Variants in CIT observed in about 807,000 individuals in gnomAD.
CIT encodes citron Rho-interacting kinase.
In CIT, 79 loss-of-function variants were observed where a neutral mutation model predicts 272.7. The ratio of observed to expected loss-of-function variants is 0.29; its 90% confidence interval spans 0.24 to 0.35. The LOEUF (loss-of-function observed/expected upper bound fraction) is 0.35, where lower values mean the gene tolerates loss of function less well. CIT is among the 10% of genes least tolerant of loss of function. The pLI is 1.00. For missense variants in CIT, 1,909 were observed against 2,618.3 expected, an observed-to-expected ratio of 0.73 and a Z score of 5.91; for synonymous variants, 948 against 995.6, an observed-to-expected ratio of 0.95 and a Z score of 0.90.
At position 119,697,835 on chromosome 12, in the gene CIT, G is replaced by A. The variant is rs1422251604; in HGVS notation, c.5706C>T (p.Thr1902=). The change falls in exon 46 of 48, where the codon ACC becomes ACT. Residue 1902 remains threonine (T), a synonymous_variant. Coordinates refer to ENST00000392521, the MANE Select transcript of CIT (RefSeq NM_001206999.2). The surrounding 1 kb of genome is among the most constrained non-coding windows in gnomAD (Gnocchi z 4.9). ...IEIQARSSAG[T]PARAYLDIPN... Reference sequence around the variant, plus strand: ...GGATGTCCAGGTACGCTCGGGCAGGGGTCCTGCAGAGTCCCAGAGTTCCAG... The same window carrying A: ...GGATGTCCAGGTACGCTCGGGCAGGAGTCCTGCAGAGTCCCAGAGTTCCAG... 6.2e-7 allele frequency: 1 copy of A among 1,613,886 alleles called. No individual in the cohort carries two copies. The highest frequency in any genetic ancestry group is 1.3e-5 in the African/African-American group (1 of 74,902).
At chr12:119,839,455 G>C (rs1056144156) in intron 5 of CIT, among the ~76,000 whole-genome samples, 1 of 152,170 alleles carries the variant, frequency 6.6e-6, no homozygotes, top group Non-Finnish European at 1.5e-5. Flanking sequence ...ATCGTTATCC[G>C]CTCTGCCCAA....
In CIT at chr12:119,690,310, G is replaced by T; in HGVS notation, c.6027C>A (p.Arg2009=). The change falls in exon 47 of 48, where the codon CGC becomes CGA. Residue 2009 remains arginine (R), a synonymous_variant. Transcript: ENST00000392521. The surrounding 1 kb of genome is among the most constrained non-coding windows in gnomAD (Gnocchi z 6.0). The part of the protein sequence containing the change: ...HRYREGRTEL[R]RDKSPGRPLE... ...GGGGGCGGCCAGGAGACTTGTCCCT[G>T]CGCAGCTCGGTCCGCCCCTCGCGGT... The T allele has an allele frequency of 6.3e-7, 1 of 1,594,550 alleles. No individual in the cohort carries two copies. The highest frequency in any genetic ancestry group is 8.5e-7 in the Non-Finnish European group (1 of 1,177,416).
intron 5 of CIT, among the ~76,000 whole-genome samples, chr12:119,836,413 C>T (rs934376822): frequency 1.7e-4 from 26 of 152,032 alleles, no homozygotes; most frequent in African/African-American, 5.1e-4. Context: ...CCCCAGTCCT[C>T]GAGGAGCCCA....
In CIT at chr12:119,863,466, T is replaced by A. The variant is rs145722555; in HGVS notation, c.238+5594A>T. On this transcript the variant is annotated intron_variant, in intron 3 of 47. Coordinates refer to ENST00000392521, the MANE Select transcript of CIT (RefSeq NM_001206999.2). The stretch of plus-strand genomic sequence containing the variant: ...ATCTATAACAAACCCCAAGACAAGT[T>A]TACCTACATAACAAACCTGTACATT... Among the ~76,000 whole-genome samples, 843 of 152,196 alleles carry A rather than the reference T, an allele frequency of 5.5e-3. 28 individuals are homozygous for A. The highest frequency in any genetic ancestry group is 0.052 in the Admixed American group (792 of 15,272).
intron 10 of CIT, among the ~76,000 whole-genome samples, chr12:119,793,075 C>A (rs556921016): frequency 9.2e-5 from 14 of 152,190 alleles, no homozygotes; most frequent in African/African-American, 3.1e-4. Context: ...TTGGGGCACC[C>A]CCCCTCCCCC....
At chr12:119,797,631 T>G (rs1202410143) in intron 10 of CIT, among the ~76,000 whole-genome samples, 1 of 152,200 alleles carries the variant, frequency 6.6e-6, no homozygotes, top group Non-Finnish European at 1.5e-5. Flanking sequence ...TTGCTGCTAT[T>G]TAAAAAATCA....
chr12:119,699,873 G>C (rs1375625501), intron 44 of CIT: 6 of 456,076 alleles, frequency 1.3e-5, no homozygotes, highest in South Asian at 9.3e-5. Context: ...TCTGGGCCAC[G>C]ACGGCATTTC....
At chr12:119,856,631 C>T (rs989625487) in intron 4 of CIT, among the ~76,000 whole-genome samples, 1 of 152,120 alleles carries the variant, frequency 6.6e-6, no homozygotes, top group Non-Finnish European at 1.5e-5. Flanking sequence ...CATCACTTCT[C>T]TCTGCCGAGA....
chr12:119,725,375 A>C (rs1172417391), intron 28 of CIT, among the ~76,000 whole-genome samples: 2 of 151,934 alleles, frequency 1.3e-5, no homozygotes, highest in Non-Finnish European at 1.5e-5. Context: ...GCAGTGAGCC[A>C]AGATCACGCC....
intron 22 of CIT, among the ~76,000 whole-genome samples, chr12:119,755,575 C>T (rs1960851780): frequency 6.6e-6 from 1 of 152,170 alleles, no homozygotes; most frequent in Non-Finnish European, 1.5e-5. Context: ...TTCCAACAAC[C>T]ACTATCCTGA....
intron 13 of CIT, 102 bp from the exon 14 acceptor site, chr12:119,776,944 G>T: frequency 7.9e-7 from 1 of 1,270,868 alleles, no homozygotes; most frequent in Non-Finnish European, 1.1e-6. Flanking sequence ...AAGATGCACA[G>T]TGAAGAGAGA....
rs903885399 is a variant in CIT at position 119,758,644 on chromosome 12, C to A, written c.2478G>T (p.Leu826=). ...IRSLEQRIVE[L]SEANKLAANS... The stretch of plus-strand genomic sequence containing the variant: ...TTGCTGCAAGTTTATTGGCTTCAGA[C>A]AGTTCCACAATCCTCTGTTCCAGGG... The change falls in exon 21 of 48, where the codon CTG becomes CTT. Residue 826 remains leucine, a synonymous_variant. Coordinates refer to ENST00000392521, the MANE Select transcript of CIT (RefSeq NM_001206999.2). 2 of 1,613,924 alleles carry A rather than the reference C, an allele frequency of 1.2e-6. No homozygotes were observed. The highest frequency in any genetic ancestry group is 1.3e-5 in the African/African-American group (1 of 74,940).
At chr12:119,820,708 C>T (rs1268914195) in intron 9 of CIT, among the ~76,000 whole-genome samples, 3 of 152,100 alleles carry the variant, frequency 2.0e-5, no homozygotes, top group South Asian at 2.1e-4. Flanking sequence ...CAATGGCTCA[C>T]GCCTGTAATC....
At chr12:119,749,948 T>C (rs1959980979) in intron 23 of CIT, among the ~76,000 whole-genome samples, 1 of 152,162 alleles carries the variant, frequency 6.6e-6, no homozygotes, top group Admixed American at 6.5e-5. Flanking sequence ...AGATACACAG[T>C]CACCCCTCCT....
Position 119,710,488 on chromosome 12 carries a change from T to C in CIT, c.4935+52A>G, listed in dbSNP as rs1045544331. ...GCCTCCACAGCCCTTTCTTTCTTGA[T>C]GGGGTGTGGCTGTAACCAGACACCA... On this transcript the variant is annotated intron_variant, in intron 38 of 47. Transcript: ENST00000392521. This position sits in a 1 kb window ranked among gnomAD's most constrained non-coding sequence, Gnocchi z 5.6. 8.1e-6 allele frequency: 13 copies of C among 1,612,402 alleles called. No homozygotes were observed. The highest frequency in any genetic ancestry group is 1.1e-5 in the Non-Finnish European group (13 of 1,178,538).
chr12:119,865,743 G>A (rs777203789), intron 3 of CIT, among the ~76,000 whole-genome samples: 5 of 151,784 alleles, frequency 3.3e-5, no homozygotes, highest in Non-Finnish European at 7.4e-5. Context: ...GGTGGTGCAC[G>A]CCTGTAGTCC....
intron 5 of CIT, among the ~76,000 whole-genome samples, chr12:119,847,420 C>T (rs1413166032): frequency 6.6e-6 from 1 of 151,710 alleles, no homozygotes; most frequent in Admixed American, 6.6e-5. Flanking sequence ...ATGGCAAAAC[C>T]CCGTCTCTAC....
intron 4 of CIT, among the ~76,000 whole-genome samples, chr12:119,851,039 G>A (rs1003673888): frequency 4.6e-5 from 7 of 152,224 alleles, no homozygotes; most frequent in African/African-American, 7.2e-5. Flanking sequence ...AATGAACCCT[G>A]TGAAGTTGGA....
At position 119,690,372 on chromosome 12, in the gene CIT, G is replaced by A. The variant is rs1955871596; in HGVS notation, c.5965C>T (p.Pro1989Ser). ...GTGCTTGGCTCTCGCGGGTGGCTGGGGCCTTCGGGCGGCGCTGGGCTGGAG... is the reference window on the plus strand; with the variant it reads ...GTGCTTGGCTCTCGCGGGTGGCTGGAGCCTTCGGGCGGCGCTGGGCTGGAG... ...VASSPAPPEG[P>S]SHPREPSTPH... Residue 1989 changes from proline to serine, a missense_variant, in exon 47 of 48, where the codon CCC (proline) becomes TCC (serine). Physicochemically the swap from Pro to Ser is moderately conservative, Grantham distance 74. Around this residue, in one of 8 missense-constraint regions of CIT, gnomAD observed 780 missense variants for 1,067.2 expected, o/e 0.73. Coordinates refer to ENST00000392521, the MANE Select transcript of CIT (RefSeq NM_001206999.2). The surrounding 1 kb of genome is among the most constrained non-coding windows in gnomAD (Gnocchi z 6.0). The A allele has an allele frequency of 1.3e-6, 2 of 1,597,714 alleles. No homozygotes were observed. The highest frequency in any genetic ancestry group is 1.7e-6 in the Non-Finnish European group (2 of 1,178,136).
Sources: allele counts gnomAD v4.1 joint callset (sites outside exome capture counted in the v4.1 genomes callset), GRCh38; gene constraint gnomAD v4.1.1; regional missense constraint gnomAD v4.1.1; non-coding constraint Gnocchi (gnomAD v3.1); transcripts MANE v1.5; gene names NCBI Gene and HGNC (gene_info 2026-07-23, HGNC 2026-07-21).